The following DNAH1 variants were observed in gnomAD, a reference collection of about 807,000 sequenced individuals.
DNAH1 encodes axonemal beta dynein heavy chain 1.
DNAH1 carries 327 observed loss-of-function variants against 484.3 expected under a neutral mutation model. The observed-to-expected ratio is 0.68, with a 90% CI of 0.62 to 0.74. The LOEUF is 0.74. Among genes scored for constraint, DNAH1 ranks in the 30% least tolerant of loss-of-function variants. The pLI is 0.00. For missense variants in DNAH1, 5,052 were observed against 5,546.8 expected (o/e 0.91, Z 2.83); for synonymous variants, 2,192 against 2,191.9 (o/e 1.00, Z 0.00).
At position 52,385,019 on chromosome 3, in the gene DNAH1, C is replaced by T. The variant is rs752172524; in HGVS notation, c.8514+42C>T. On this transcript the variant is annotated intron_variant, in intron 53 of 77. Transcript: ENST00000420323. ...CCCCGTGGACAAGGTCAGCTGCCTG[C>T]AGGCTGCCTGCTCACTCAGCCCTGA... 2.3e-5 allele frequency: 36 copies of T among 1,578,080 alleles called. No homozygotes were observed. In the South Asian group the frequency reaches 3.9e-4, roughly 17 times the overall value.
intron 36 of DNAH1, among the ~76,000 whole-genome samples, chr3:52,367,604 C>T (rs1469281756): frequency 4.7e-5 from 7 of 150,356 alleles, no homozygotes; most frequent in African/African-American, 1.5e-4. Flanking sequence ...GACGAAGTTT[C>T]GCTCTTGTTG....
In DNAH1 at chr3:52,391,310, G is replaced by T; in HGVS notation, c.9873G>T (p.Glu3291Asp). 6.2e-7 allele frequency: 1 copy of T among 1,611,078 alleles called. No homozygotes were observed. The highest frequency in any genetic ancestry group is 1.1e-5 in the South Asian group (1 of 90,506). The change falls in exon 62 of 78, where the codon GAG (glutamate) becomes GAT (aspartate). Residue 3291 changes from glutamate to aspartate, a missense_variant. Transcript: ENST00000420323. The stretch of plus-strand genomic sequence containing the variant: ...GCGAGGAGCTAGACCCAGCCCTGGA[G>T]CCAGTGCTGCTCAAGCAGGTGGGTC... ...NVGEELDPAL[E>D]PVLLKQTYKQ...
chr3:52,371,327 C>T (rs1181021178), intron 41 of DNAH1, among the ~76,000 whole-genome samples: 1 of 152,244 alleles, frequency 6.6e-6, no homozygotes, highest in Admixed American at 6.5e-5. Flanking sequence ...AGAGACCTGT[C>T]CATTACTGTG....
chr3:52,366,943 G>A, intron 36 of DNAH1, 56 bp downstream of exon 36: 1 of 1,554,114 alleles, frequency 6.4e-7, no homozygotes, highest in Non-Finnish European at 8.7e-7. Flanking sequence ...TCTGGAGGCT[G>A]TGGGCTGCGG....
At chr3:52,351,926 G>C in intron 16 of DNAH1, 36 bp from the exon 17 acceptor site, 1 of 1,586,320 alleles carries the variant, frequency 6.3e-7, no homozygotes, top group Non-Finnish European at 8.6e-7. Context: ...CTTCAGCCGC[G>C]ATATTTCTCC....
At chr3:52,352,805 G>A (rs1702449930) in intron 18 of DNAH1, 98 bp downstream of exon 18, 1 of 1,474,074 alleles carries the variant, frequency 6.8e-7, no homozygotes. Context: ...GGCATTTGGG[G>A]GCAGGACCCA....
At position 52,361,030 on chromosome 3, in the gene DNAH1, G is replaced by A. The variant is rs1340884131; in HGVS notation, c.4686-134G>A. The A allele has an allele frequency of 2.5e-5, 21 of 830,910 alleles. No homozygotes were observed. The highest frequency in any genetic ancestry group is 3.8e-5 in the South Asian group (1 of 26,136). The allele number at this position is 830,910 out of a possible 1,614,324, so 51.5% of individuals were successfully genotyped here. A position where few individuals can be genotyped will look rare whatever the true frequency, so the allele number is the denominator to read the frequency against. ...GTCCACAGGCTCCAGTCCTGACCCC[G>A]GAGCCAGGGCTGGGCACACCCCAGC... On this transcript the variant is annotated intron_variant, in intron 28 of 77. Transcript: ENST00000420323. This position sits in a 1 kb window ranked among gnomAD's most constrained non-coding sequence, Gnocchi z 5.6.
At chr3:52,393,752 A>G (rs1704497790) in intron 66 of DNAH1, among the ~76,000 whole-genome samples, 1 of 152,222 alleles carries the variant, frequency 6.6e-6, no homozygotes. Context: ...TACAAAAATT[A>G]GCTGGGTGTG....
At chr3:52,373,990 T>A in intron 44 of DNAH1, 1 of 1,131,648 alleles carries the variant, frequency 8.8e-7, no homozygotes, top group Non-Finnish European at 1.3e-6. Flanking sequence ...TCTTAAGATT[T>A]TTAGAGTCTG....
Position 52,395,372 on chromosome 3 carries a change from CA to C in DNAH1, c.11034del (p.Gly3680AlafsTer15). The C allele has an allele frequency of 6.2e-7, 1 of 1,613,884 alleles. No homozygotes were observed. The highest frequency in any genetic ancestry group is 8.5e-7 in the Non-Finnish European group (1 of 1,179,888). On this transcript the variant is annotated frameshift_variant, in exon 69 of 78. Coordinates refer to ENST00000420323, the MANE Select transcript of DNAH1 (RefSeq NM_015512.5). LOFTEE classifies it high-confidence loss of function. The surrounding 1 kb of genome is among the most constrained non-coding windows in gnomAD (Gnocchi z 4.4). ...ACCACACCCCTCATCTTTGTGCTGT[CA>C]CCCGGCACAGACCCTGCTGCCGACC... The part of the protein sequence containing the change: ...NSTTPLIFVL[S>X]PGTDPAADLY...
Position 52,398,157 on chromosome 3 carries a change from C to A in DNAH1, c.12084C>A (p.Val4028=), listed in dbSNP as rs1704724196. The A allele has an allele frequency of 6.3e-7, 1 of 1,595,078 alleles. No individual in the cohort carries two copies. The highest frequency in any genetic ancestry group is 8.5e-7 in the Non-Finnish European group (1 of 1,171,594). ...TGAACACAGTACTAGTACAAGAGGT[C>A]ATTAGGTAATCACCCCGCCATACCC... is the stretch of plus-strand genomic sequence containing the variant. ...ESMNTVLVQE[V]IRYNRLLQVI... is the part of the protein sequence containing the mutation. The change falls in exon 75 of 78, where the codon GTC becomes GTA. Residue 4028 remains valine, a synonymous_variant. Coordinates refer to ENST00000420323, the MANE Select transcript of DNAH1 (RefSeq NM_015512.5).
chr3:52,360,268 C>A (rs938331837), intron 27 of DNAH1, 43 bp from the exon 28 acceptor site: 14 of 1,566,224 alleles, frequency 8.9e-6, no homozygotes, highest in African/African-American at 1.4e-5. Flanking sequence ...TGCCCAGTGG[C>A]CCATTGCCCC....
In DNAH1 at chr3:52,388,845, G is replaced by A. The variant is rs780455787; in HGVS notation, c.9403G>A (p.Glu3135Lys). 6 of 1,613,624 alleles carry A rather than the reference G, an allele frequency of 3.7e-6. No homozygotes were observed. Among genetic ancestry groups the A allele is most frequent in the African/African-American group, 1.3e-5 (1 of 74,944 alleles). ...GLSDEKVRWQETVENLQYMLN... is the reference protein window; with the variant it reads ...GLSDEKVRWQKTVENLQYMLN... ...GTCGGATGAGAAGGTGCGCTGGCAG[G>A]AGACGGTGGAGAACCTGCAGTACAT... The change falls in exon 59 of 78, where the codon GAG becomes AAG. Residue 3135 changes from glutamate (E) to lysine (K), a missense_variant. This residue lies in a region of DNAH1 where 2,929 missense variants were observed against 3,409.4 expected (regional missense o/e 0.86). Transcript: ENST00000420323.
At chr3:52,388,357 G>T (rs1326022274) in intron 57 of DNAH1, 23 bp downstream of exon 57, 14 of 1,600,200 alleles carry the variant, frequency 8.7e-6, no homozygotes, top group Middle Eastern at 1.7e-4. Flanking sequence ...TGGAGCTGGT[G>T]GGGGAGGGCT....
At chr3:52,316,943 C>T (rs1410968120) in intron 1 of DNAH1, among the ~76,000 whole-genome samples, 4 of 152,170 alleles carry the variant, frequency 2.6e-5, no homozygotes, top group African/African-American at 9.7e-5. Context: ...TCTTTTGGTT[C>T]TTTTGGTTTG....
intron 32 of DNAH1, 25 bp downstream of exon 32, chr3:52,363,169 C>T: frequency 6.2e-7 from 1 of 1,608,910 alleles, no homozygotes; most frequent in Non-Finnish European, 8.5e-7. Flanking sequence ...TGATGGGTTT[C>T]CAGGGTCTGA....
Position 52,355,874 on chromosome 3 carries a change from C to T in DNAH1, c.3694-740C>T, listed in dbSNP as rs147476470. Among the ~76,000 whole-genome samples, 373 of 152,368 alleles carry T rather than the reference C, an allele frequency of 2.4e-3. 2 individuals are homozygous for T. The highest frequency in any genetic ancestry group is 3.9e-3 in the South Asian group (19 of 4,832). ...GTTCCCACCGAGGCCATTGTCGGTG[C>T]CTCTTTCAGAGTCCACTACACATGC... On this transcript the variant is annotated intron_variant, in intron 21 of 77. Coordinates refer to ENST00000420323, the MANE Select transcript of DNAH1 (RefSeq NM_015512.5). This position sits in a 1 kb window ranked among gnomAD's most constrained non-coding sequence, Gnocchi z 4.5.
At chr3:52,363,555 G>T (rs1340771664) in intron 32 of DNAH1, among the ~76,000 whole-genome samples, 1 of 152,226 alleles carries the variant, frequency 6.6e-6, no homozygotes, top group Non-Finnish European at 1.5e-5. Flanking sequence ...CTTCCACTCA[G>T]CTTGCTGAGC....
At chr3:52,389,242 C>T (rs1448998721) in intron 59 of DNAH1, among the ~76,000 whole-genome samples, 2 of 152,252 alleles carry the variant, frequency 1.3e-5, no homozygotes, top group Non-Finnish European at 2.9e-5. Flanking sequence ...CTCATAGCCG[C>T]CATTACAGGC....
Sources: gnomAD v4.1 joint callset for allele counts (sites outside exome capture counted in the v4.1 genomes callset) on GRCh38, gnomAD v4.1.1 for gene constraint, gnomAD v4.1.1 regional missense constraint, Gnocchi (gnomAD v3.1) non-coding constraint, MANE v1.5 for transcripts, NCBI Gene and HGNC (gene_info 2026-07-23, HGNC 2026-07-21) for gene names.